Variants in MTFR1 observed in about 807,000 individuals in gnomAD.
The protein encoded by MTFR1 is chondrocyte protein with a poly-proline region.
Under a neutral mutation model 38.8 loss-of-function variants are expected in MTFR1, and 28 were observed. That is an observed-to-expected ratio of 0.72 (90% CI 0.53 to 0.99). The LOEUF (loss-of-function observed/expected upper bound fraction) is 0.99. MTFR1 is among the 50% of genes least tolerant of loss of function. The pLI, the probability that MTFR1 is intolerant of heterozygous loss-of-function variation, is 0.00. For synonymous variants in MTFR1, 145 were observed against 137.0 expected (o/e 1.06, Z -0.41); for missense variants, 358 against 395.5 (o/e 0.91, Z 0.81).
intron 3 of MTFR1, chr8:65,727,010 T>C (rs1242775951): frequency 1.8e-6 from 2 of 1,121,864 alleles, no homozygotes; most frequent in Admixed American, 1.7e-5. Flanking sequence ...ATACGTCTCT[T>C]TCTGGACATA....
chr8:65,695,323 G>A (rs1472860771), intron 4 of MTFR1, among the ~76,000 whole-genome samples: 1 of 152,068 alleles, frequency 6.6e-6, no homozygotes, highest in East Asian at 1.9e-4. Flanking sequence ...TTCCATGTAG[G>A]ATAATTATAA....
chr8:65,750,903 A>C (rs1807917902), intron 3 of MTFR1, among the ~76,000 whole-genome samples: 1 of 152,212 alleles, frequency 6.6e-6, no homozygotes, highest in African/African-American at 2.4e-5. Context: ...TGAGTATTAG[A>C]TATTGACTCA....
At chr8:65,661,962 T>C (rs1437342875) in intron 1 of MTFR1, among the ~76,000 whole-genome samples, 2 of 151,522 alleles carry the variant, frequency 1.3e-5, no homozygotes, top group African/African-American at 2.4e-5. Context: ...AGAGTCCGTC[T>C]CAAAACAAAC....
chr8:65,722,512 G>C (rs1177682479), intron 3 of MTFR1: 14 of 152,196 alleles, frequency 9.2e-5, no homozygotes, highest in Non-Finnish European at 1.6e-4. Context: ...ACTGTGTTCA[G>C]TCTGATTCTC....
intron 3 of MTFR1, among the ~76,000 whole-genome samples, chr8:65,720,138 C>T (rs1267338573): frequency 6.6e-6 from 1 of 152,068 alleles, no homozygotes; most frequent in Non-Finnish European, 1.5e-5. Context: ...ATATAATCTC[C>T]CTTAATTCAG....
chr8:65,742,002 C>A (rs557215157), intron 3 of MTFR1, among the ~76,000 whole-genome samples: 6 of 152,262 alleles, frequency 3.9e-5, no homozygotes, highest in African/African-American at 1.2e-4. Flanking sequence ...AATTGAAAAG[C>A]TGCATGCAAG....
Position 65,719,301 on chromosome 8 carries a change from G to A in MTFR1, c.382-79G>A, listed in dbSNP as rs765174760. 6.8e-6 allele frequency: 11 copies of A among 1,612,818 alleles called. No homozygotes were observed. In the East Asian group the frequency reaches 1.3e-4, roughly 20 times the overall value. On this transcript the variant is annotated intron_variant, in intron 2 of 3. Transcript: ENST00000521247. ...ACTGGTTCTGGGGGTTATGATAACC[G>A]ATTTTCCTGAGGTAATAACTGTGAG...
chr8:65,663,822 C>CTTTTTTTTT (rs1035579864), intron 1 of MTFR1, among the ~76,000 whole-genome samples: 7 of 78,568 alleles, frequency 8.9e-5, no homozygotes, highest in Non-Finnish European at 1.5e-4. Context: ...AATTTCTTTT[C>CTTTTTTTTT]TTTTTTTTTT....
At chr8:65,774,841 A>G (rs1037620863), downstream of MTFR1, among the ~76,000 whole-genome samples, 1 of 152,184 alleles carries the variant, frequency 6.6e-6, no homozygotes, top group African/African-American at 2.4e-5. Context: ...ATATCTGCTA[A>G]TACACTGAAT....
At chr8:65,644,243 T>C (rs565257073), upstream of MTFR1, among the ~76,000 whole-genome samples, 3 of 152,240 alleles carry the variant, frequency 2.0e-5, no homozygotes, top group African/African-American at 7.2e-5. Context: ...AAAATACTTA[T>C]CCATGAGGCA....
chr8:65,737,106 T>A (rs1018560717), intron 3 of MTFR1, among the ~76,000 whole-genome samples: 9 of 151,966 alleles, frequency 5.9e-5, no homozygotes, highest in Non-Finnish European at 1.2e-4. Flanking sequence ...AGACCCTGTC[T>A]CAAACAAACA....
At chr8:65,733,279 T>A (rs1806978713) in intron 3 of MTFR1, among the ~76,000 whole-genome samples, 1 of 152,142 alleles carries the variant, frequency 6.6e-6, no homozygotes. Context: ...TTGGGTTGGG[T>A]GTGCCCAGAG....
intron 4 of MTFR1, among the ~76,000 whole-genome samples, chr8:65,701,641 T>C (rs1450295620): frequency 3.9e-5 from 6 of 152,202 alleles, no homozygotes; most frequent in Non-Finnish European, 7.3e-5. Flanking sequence ...AACATACTTA[T>C]AAAAGTCTGT....
intron 3 of MTFR1, among the ~76,000 whole-genome samples, chr8:65,687,114 C>A (rs12542929): frequency 6.6e-6 from 1 of 152,132 alleles, no homozygotes; most frequent in Non-Finnish European, 1.5e-5. Context: ...AAGTGTGTTA[C>A]GTATAGAAAC....
chr8:65,704,564 G>A (rs375090866), intron 4 of MTFR1, 130 bp from the exon 5 acceptor site: 11 of 684,964 alleles, frequency 1.6e-5, no homozygotes, highest in African/African-American at 7.2e-5. Flanking sequence ...GTCCTTACAC[G>A]AAGGGACTTA....
chr8:65,713,439 A>AACACACACACAC (rs144454204), downstream of MTFR1, among the ~76,000 whole-genome samples: 1,532 of 137,526 alleles, frequency 0.011, 12 homozygotes, highest in East Asian at 0.034. Flanking sequence ...TCCCATCTCA[A>AACACACACACAC]ACACACACAC....
At chr8:65,755,550 G>A (rs1808189517) in intron 3 of MTFR1, among the ~76,000 whole-genome samples, 1 of 152,052 alleles carries the variant, frequency 6.6e-6, no homozygotes, top group South Asian at 2.1e-4. Context: ...CCTTCCTATT[G>A]TTATTATCAC....
chr8:65,736,801 T>C (rs1222656125), intron 3 of MTFR1, among the ~76,000 whole-genome samples: 1 of 151,270 alleles, frequency 6.6e-6, no homozygotes, highest in African/African-American at 2.4e-5. Context: ...TTTTTTTTTT[T>C]TTTTTTGCCA....
intron 1 of MTFR1, among the ~76,000 whole-genome samples, chr8:65,646,381 AG>A (rs1323862174): frequency 6.6e-6 from 1 of 152,174 alleles, no homozygotes; most frequent in Admixed American, 6.5e-5. Flanking sequence ...ACAATGTCCT[AG>A]GAGTTGTGGA....
Sources: gnomAD v4.1 joint callset for allele counts (sites outside exome capture counted in the v4.1 genomes callset) on GRCh38, gnomAD v4.1.1 for gene constraint, MANE v1.5 for transcripts, NCBI Gene and HGNC (gene_info 2026-07-23, HGNC 2026-07-21) for gene names.